Variants in CFAP52 observed in about 807,000 individuals in gnomAD.
The protein encoded by CFAP52 is cilia and flagella associated protein 52, also known as cilia- and flagella-associated protein 52.
CFAP52 carries 57 observed loss-of-function variants against 70.5 expected under a neutral mutation model. The observed-to-expected ratio is 0.81, with a 90% confidence interval of 0.65 to 1.01. CFAP52 has a LOEUF of 1.01. Among genes scored for constraint, CFAP52 ranks in the 50% least tolerant of loss-of-function variants. The probability of loss-of-function intolerance (pLI) is 0.00; values close to 1 mark genes in which losing one functional copy is unlikely to be tolerated. For synonymous variants in CFAP52, 267 were observed against 292.5 expected (o/e 0.91, Z 0.89); for missense variants, 785 against 788.5 (o/e 1.00, Z 0.05).
In CFAP52 at chr17:9,585,935, A is replaced by G. The variant is rs1443308732; in HGVS notation, c.233A>G (p.Tyr78Cys). 1 of 1,613,880 alleles carries G rather than the reference A, an allele frequency of 6.2e-7. No individual in the cohort carries two copies. Among genetic ancestry groups the G allele is most frequent in the Non-Finnish European group, 8.5e-7 (1 of 1,179,914 alleles). The change falls in exon 2 of 14, where the codon TAC becomes TGC. Residue 78 changes from tyrosine to cysteine, a missense_variant. Coordinates refer to ENST00000352665, the MANE Select transcript of CFAP52 (RefSeq NM_145054.5). ...SCLAISRSGE[Y>C]IASGQVTFMG... ...TTGGCCATCTCCAGGTCTGGAGAGT[A>G]CATCGCCTCCGGACAAGTCACATTC... is the stretch of plus-strand genomic sequence containing the variant.
rs56818169 is a variant in CFAP52 at position 9,631,082 on chromosome 17, G to GAAAGAAAGAAAGAGAA, written c.1175-1805_1175-1804insAAGAAAGAAAGAGAAA. Among the ~76,000 whole-genome samples, 11 of 49,052 alleles carry GAAAGAAAGAAAGAGAA rather than the reference G, an allele frequency of 2.2e-4. 2 individuals are homozygous for GAAAGAAAGAAAGAGAA. The South Asian group carries it at 2.3e-3, about 10-fold the overall frequency. The allele number at this position is 49,052 out of a possible 152,430, so 32.2% of individuals were successfully genotyped here. A position where few individuals can be genotyped will look rare whatever the true frequency, so the allele number is the denominator to read the frequency against. On this transcript the variant is annotated intron_variant, in intron 9 of 13. Coordinates refer to ENST00000352665, the MANE Select transcript of CFAP52 (RefSeq NM_145054.5). Reference sequence around the variant, plus strand: ...AGAAAGAAAGAAAGAAAGAAAGAAAGAGAAAGAAAGAAAGAGAAAGAAAGA... The same window carrying GAAAGAAAGAAAGAGAA: ...AGAAAGAAAGAAAGAAAGAAAGAAAGAAAGAAAGAAAGAGAAAGAAAGAAAGAAAGAGAAAGAAAGA...
intron 5 of CFAP52, 166 bp downstream of exon 5, chr17:9,598,499 C>T (rs530704984): frequency 8.8e-5 from 44 of 498,556 alleles, no homozygotes; most frequent in Non-Finnish European, 1.1e-4. Flanking sequence ...CAGTGGCTCA[C>T]GCCTGTAATC....
At chr17:9,597,204 A>G (rs1909055354) in intron 4 of CFAP52, among the ~76,000 whole-genome samples, 1 of 152,216 alleles carries the variant, frequency 6.6e-6, no homozygotes, top group Non-Finnish European at 1.5e-5. Flanking sequence ...CATAATGTCC[A>G]TCAGGTTTGT....
chr17:9,626,844 C>T (rs1910254875), intron 8 of CFAP52, among the ~76,000 whole-genome samples: 1 of 152,120 alleles, frequency 6.6e-6, no homozygotes, highest in East Asian at 1.9e-4. Flanking sequence ...AAGGGATCCA[C>T]TTATTTTTTG....
At chr17:9,616,398 G>A (rs1266455544) in intron 8 of CFAP52, among the ~76,000 whole-genome samples, 2 of 123,930 alleles carry the variant, frequency 1.6e-5, no homozygotes, top group Non-Finnish European at 3.3e-5. Flanking sequence ...AGATCAAACT[G>A]CAAGGCGGCA....
chr17:9,601,201 G>A (rs1909252806), intron 6 of CFAP52, among the ~76,000 whole-genome samples: 1 of 145,428 alleles, frequency 6.9e-6, no homozygotes, highest in African/African-American at 2.5e-5. Flanking sequence ...TCATAGGTGG[G>A]AATTGAACAA....
rs529164691 is a variant in CFAP52, at chr17:9,632,171, A to G, written c.1175-717A>G. Reference sequence around the variant, plus strand: ...TGGCTCACTGCAACCTCCATCTCCCAGGTTTAAGTGATCCTCCTACTTCAG... The same window carrying G: ...TGGCTCACTGCAACCTCCATCTCCCGGGTTTAAGTGATCCTCCTACTTCAG... On this transcript the variant is annotated intron_variant, in intron 9 of 13. Transcript: ENST00000352665. Among the ~76,000 whole-genome samples, 34 of 151,114 alleles carry G rather than the reference A, an allele frequency of 2.2e-4. 1 individual carries two copies. Among genetic ancestry groups the G allele is most frequent in the Admixed American group, 1.1e-3 (16 of 15,174 alleles).
chr17:9,624,210 A>G lies in CFAP52; in HGVS notation c.1026-4462A>G, dbSNP rs1056572309. On this transcript the variant is annotated intron_variant, in intron 8 of 13. Coordinates refer to ENST00000352665, the MANE Select transcript of CFAP52 (RefSeq NM_145054.5). Reference sequence around the variant, plus strand: ...TTAAACTTTTTGAATCTATAAGCTGATATTTTCCACCAAATTGAGAAGTTT... The same window carrying G: ...TTAAACTTTTTGAATCTATAAGCTGGTATTTTCCACCAAATTGAGAAGTTT... Among the ~76,000 whole-genome samples the G allele has an allele frequency of 2.0e-5, 3 of 152,028 alleles. No individual in the cohort carries two copies. In the South Asian group the frequency reaches 6.2e-4, roughly 32 times the overall value.
At chr17:9,638,772 G>C in intron 12 of CFAP52, 61 bp downstream of exon 12, 1 of 1,536,150 alleles carries the variant, frequency 6.5e-7, no homozygotes. Context: ...GTGAGGCGTT[G>C]TGGTGGAGGG....
At chr17:9,589,038 G>T (rs1004995741) in intron 3 of CFAP52, among the ~76,000 whole-genome samples, 13 of 152,180 alleles carry the variant, frequency 8.5e-5, no homozygotes, top group Non-Finnish European at 1.9e-4. Flanking sequence ...GGAGGCAGAG[G>T]TTGCAGTGAG....
intron 6 of CFAP52, among the ~76,000 whole-genome samples, chr17:9,607,458 T>A (rs1045790666): frequency 6.6e-6 from 1 of 151,210 alleles, no homozygotes; most frequent in Non-Finnish European, 1.5e-5. Flanking sequence ...TGTCAAGCCT[T>A]TTTTTTCTTT....
chr17:9,628,923 G>C, intron 9 of CFAP52, 103 bp downstream of exon 9: 3 of 1,504,008 alleles, frequency 2.0e-6, no homozygotes, highest in Non-Finnish European at 1.8e-6. Context: ...ACCTAGAACA[G>C]CCTCCCACTG....
Position 9,628,759 on chromosome 17 carries a change from C to G in CFAP52, c.1113C>G (p.Thr371=), listed in dbSNP as rs767576439. Residue 371 remains threonine, a synonymous_variant, in exon 9 of 14, where the codon ACC becomes ACG. Transcript: ENST00000352665. The stretch of plus-strand genomic sequence containing the variant: ...CCAACAGGGAGCTGCTGCGGATCAC[C>G]GTGCCCAACATGACCTGCCACGGCA... ...TSSNRELLRI[T]VPNMTCHGID... is the part of the protein sequence containing the mutation. 2 of 1,614,002 alleles carry G rather than the reference C, an allele frequency of 1.2e-6. No homozygotes were observed. Among genetic ancestry groups the G allele is most frequent in the Non-Finnish European group, 8.5e-7 (1 of 1,180,042 alleles).
At chr17:9,600,278 G>A in intron 6 of CFAP52, 95 bp downstream of exon 6, 1 of 1,046,288 alleles carries the variant, frequency 9.6e-7, no homozygotes, top group Non-Finnish European at 1.5e-6. Context: ...GTCTTGTTCT[G>A]TCACTCAACC....
chr17:9,640,002 A>G (rs1309692912), intron 12 of CFAP52, among the ~76,000 whole-genome samples: 2 of 152,206 alleles, frequency 1.3e-5, no homozygotes, highest in African/African-American at 2.4e-5. Context: ...GGCGTTTACT[A>G]TGAAATCAGA....
downstream of CFAP52, among the ~76,000 whole-genome samples, chr17:9,644,079 A>G (rs1049603381): frequency 6.6e-6 from 1 of 152,130 alleles, no homozygotes; most frequent in South Asian, 2.1e-4. Context: ...AACTGCTGTA[A>G]CCCGGTTTGA....
intron 3 of CFAP52, 32 bp from the exon 4 acceptor site, chr17:9,594,161 C>T (rs770482221): frequency 2.5e-6 from 3 of 1,183,594 alleles, no homozygotes; most frequent in Non-Finnish European, 2.3e-6. Flanking sequence ...TTCTCTTTGA[C>T]TTTTTTTTTT....
At chr17:9,576,809 G>T in intron 1 of CFAP52, 44 bp downstream of exon 1, 2 of 1,595,582 alleles carry the variant, frequency 1.3e-6, no homozygotes, top group Middle Eastern at 1.7e-4. Context: ...TAGGAATTCG[G>T]AGGACGTGTA....
chr17:9,630,587 G>T (rs1317418583), intron 9 of CFAP52, among the ~76,000 whole-genome samples: 1 of 148,756 alleles, frequency 6.7e-6, no homozygotes, highest in Non-Finnish European at 1.5e-5. Context: ...CCGCTACCAC[G>T]CCCGGCTAAT....
Sources: allele counts gnomAD v4.1 joint callset (sites outside exome capture counted in the v4.1 genomes callset), GRCh38; gene constraint gnomAD v4.1.1; transcripts MANE v1.5; gene names NCBI Gene and HGNC (gene_info 2026-07-23, HGNC 2026-07-21).